LHFPL3: variants seen among roughly 807,000 people sequenced by gnomAD.
LHFPL3 encodes the protein LHFPL tetraspan subfamily member 3.
LHFPL3 carries 5 observed loss-of-function variants against 19.3 expected under a neutral mutation model. The ratio of observed to expected loss-of-function variants is 0.26; its 90% CI spans 0.14 to 0.54. LHFPL3 has a LOEUF of 0.54. Ranked by LOEUF, LHFPL3 falls within the 20% of genes least tolerant of loss-of-function variation. LHFPL3 has a pLI of 0.94. For synonymous variants in LHFPL3, 133 were observed against 126.2 expected (o/e 1.05, Z -0.36); for missense variants, 249 against 307.4 (o/e 0.81, Z 1.42).
intron 1 of LHFPL3, among the ~76,000 whole-genome samples, chr7:104,491,523 C>T (rs1303112933): frequency 6.6e-6 from 1 of 151,184 alleles, no homozygotes; most frequent in African/African-American, 2.4e-5. Context: ...ATAAAAACAA[C>T]AGCCCACACA....
intron 1 of LHFPL3, among the ~76,000 whole-genome samples, chr7:104,560,585 G>T (rs1376428621): frequency 4.6e-5 from 7 of 151,118 alleles, no homozygotes; most frequent in African/African-American, 7.3e-5. Context: ...TTCTTTATTA[G>T]TCTTGCTAGC....
chr7:104,564,123 AGT>A (rs1790073654), intron 1 of LHFPL3, among the ~76,000 whole-genome samples: 1 of 152,186 alleles, frequency 6.6e-6, no homozygotes, highest in Admixed American at 6.5e-5. Flanking sequence ...TCAAGAATAG[AGT>A]GACCCAGTAA....
chr7:104,444,228 A>G (rs1342680164), intron 1 of LHFPL3, among the ~76,000 whole-genome samples: 1 of 152,232 alleles, frequency 6.6e-6, no homozygotes, highest in Non-Finnish European at 1.5e-5. Flanking sequence ...TTCACTATTC[A>G]TTAAAGAAAA....
intron 2 of LHFPL3, among the ~76,000 whole-genome samples, chr7:104,819,377 G>GA (rs34477587): frequency 0.13 from 16,587 of 125,770 alleles, 1,070 homozygotes; most frequent in Non-Finnish European, 0.16. Context: ...TTTAGATCTG[G>GA]AAAAAAAAAA....
intron 1 of LHFPL3, among the ~76,000 whole-genome samples, chr7:104,334,465 T>TC (rs1456959270): frequency 6.6e-6 from 1 of 152,198 alleles, no homozygotes; most frequent in African/African-American, 2.4e-5. Flanking sequence ...GCGAATCACT[T>TC]GAACCCGCAA....
intron 1 of LHFPL3, among the ~76,000 whole-genome samples, chr7:104,666,614 C>T (rs989670857): frequency 4.3e-5 from 6 of 140,516 alleles, no homozygotes; most frequent in African/African-American, 1.3e-4. Context: ...CTCCGCCTCC[C>T]GGGTTCACGC....
At chr7:104,653,335 G>A (rs1216341711) in intron 1 of LHFPL3, among the ~76,000 whole-genome samples, 2 of 152,162 alleles carry the variant, frequency 1.3e-5, no homozygotes, top group African/African-American at 2.4e-5. Flanking sequence ...AAACATCCGG[G>A]AGAGAAGACA....
At position 104,870,400 on chromosome 7, in the gene LHFPL3, G is replaced by A. The variant is rs73417688; in HGVS notation, c.683-35787G>A. Among the ~76,000 whole-genome samples the A allele has an allele frequency of 6.3e-3, 962 of 152,134 alleles. 13 individuals carry two copies. Among genetic ancestry groups the A allele is most frequent in the African/African-American group, 0.022 (928 of 41,496 alleles). On this transcript the variant is annotated intron_variant, in intron 2 of 2. Coordinates refer to ENST00000424859, the MANE Select transcript of LHFPL3 (RefSeq NM_199000.3). ...TGACCACAGGCTGTAATATTCGCCC[G>A]ACTTGCACCTCTGGGAAAGGGGAAT...
At chr7:104,543,068 C>G (rs1219752845) in intron 1 of LHFPL3, among the ~76,000 whole-genome samples, 1 of 152,038 alleles carries the variant, frequency 6.6e-6, no homozygotes, top group Non-Finnish European at 1.5e-5. Flanking sequence ...AACCAAACAC[C>G]GCATGTTCTG....
At position 104,908,329 on chromosome 7, in the gene LHFPL3, T is replaced by C. The variant is rs2116745243; in HGVS notation, c.*2114T>C. Among the ~76,000 whole-genome samples, 1 of 152,228 alleles carries C rather than the reference T, an allele frequency of 6.6e-6. No homozygotes were observed. Among genetic ancestry groups the C allele is most frequent in the East Asian group, 1.9e-4 (1 of 5,188 alleles). On this transcript the variant is annotated 3_prime_UTR_variant, in exon 3 of 3. Transcript: ENST00000424859. Reference sequence around the variant, plus strand: ...TCATTGACGATGTACCATTTGTATATAGGTAATACACATGTAAATCACTAA... The same window carrying C: ...TCATTGACGATGTACCATTTGTATACAGGTAATACACATGTAAATCACTAA...
At chr7:104,704,943 C>T (rs1250401481) in intron 1 of LHFPL3, among the ~76,000 whole-genome samples, 1 of 152,168 alleles carries the variant, frequency 6.6e-6, no homozygotes, top group Non-Finnish European at 1.5e-5. Flanking sequence ...GCTCACTAGC[C>T]AGAATTCTTA....
chr7:104,469,484 A>G (rs904046886), intron 1 of LHFPL3, among the ~76,000 whole-genome samples: 2 of 152,208 alleles, frequency 1.3e-5, no homozygotes, highest in African/African-American at 4.8e-5. Flanking sequence ...TCTAAAATAA[A>G]TAGACTAAAC....
intron 1 of LHFPL3, among the ~76,000 whole-genome samples, chr7:104,433,468 C>G (rs749665389): frequency 2.0e-5 from 3 of 152,156 alleles, no homozygotes; most frequent in Non-Finnish European, 2.9e-5. Context: ...TAATGCCTTG[C>G]AGTGGTCTCT....
At chr7:104,845,329 G>C in intron 2 of LHFPL3, 1 of 994,572 alleles carries the variant, frequency 1.0e-6, no homozygotes, top group South Asian at 1.4e-5. Flanking sequence ...AAAATGAAGT[G>C]TGAGCTCTTA....
intron 1 of LHFPL3, among the ~76,000 whole-genome samples, chr7:104,671,158 G>A (rs1209085095): frequency 6.6e-6 from 1 of 152,020 alleles, no homozygotes; most frequent in Admixed American, 6.5e-5. Context: ...ACAAAGGTGT[G>A]TACCAAGTGA....
intron 1 of LHFPL3, among the ~76,000 whole-genome samples, chr7:104,701,897 G>T (rs1793110829): frequency 6.6e-6 from 1 of 151,764 alleles, no homozygotes; most frequent in Non-Finnish European, 1.5e-5. Flanking sequence ...TTTAAGTTCT[G>T]GGATACATGT....
intron 1 of LHFPL3, among the ~76,000 whole-genome samples, chr7:104,488,165 G>C (rs1026681412): frequency 3.9e-5 from 6 of 152,094 alleles, no homozygotes; most frequent in African/African-American, 1.4e-4. Flanking sequence ...TTGCCATAGA[G>C]ATCTCTGCTT....
chr7:104,568,305 T>G (rs989208705), intron 1 of LHFPL3, among the ~76,000 whole-genome samples: 13 of 152,244 alleles, frequency 8.5e-5, no homozygotes, highest in Non-Finnish European at 1.9e-4. Context: ...ACTTTTCATC[T>G]TGTGCTAAAG....
chr7:104,594,668 G>T (rs1196930983), intron 1 of LHFPL3, among the ~76,000 whole-genome samples: 4 of 152,118 alleles, frequency 2.6e-5, no homozygotes, highest in African/African-American at 9.7e-5. Context: ...TCACTTTCAG[G>T]TACACCAATC....
Sources: gnomAD v4.1 joint callset for allele counts (sites outside exome capture counted in the v4.1 genomes callset) on GRCh38, gnomAD v4.1.1 for gene constraint, MANE v1.5 for transcripts, NCBI Gene and HGNC (gene_info 2026-07-23, HGNC 2026-07-21) for gene names.